CSMD1: variants seen among roughly 807,000 people sequenced by gnomAD.
CSMD1 encodes CUB and sushi domain-containing protein 1.
CSMD1 carries 213 observed loss-of-function variants against 417.5 expected under a neutral mutation model. The ratio of observed to expected loss-of-function variants is 0.51; its 90% confidence interval spans 0.46 to 0.57. The LOEUF (loss-of-function observed/expected upper bound fraction) is 0.57, where lower values mean the gene tolerates loss of function less well. Among genes scored for constraint, CSMD1 ranks in the 20% least tolerant of loss-of-function variants. The pLI, the probability that CSMD1 is intolerant of heterozygous loss-of-function variation, is 0.00. For synonymous variants in CSMD1, 2,862 were observed against 1,736.8 expected, an observed-to-expected ratio of 1.65 and a Z score of -16.11; for missense variants, 6,923 against 4,529.7, an observed-to-expected ratio of 1.53 and a Z score of -15.17.
At position 4,376,934 on chromosome 8, in the gene CSMD1, G is replaced by A. The variant is rs955047661; in HGVS notation, c.415+43019C>T. 3.3e-5 allele frequency among the ~76,000 whole-genome samples: 5 copies of A among 152,126 alleles called. No homozygotes were observed. In the South Asian group the frequency reaches 8.3e-4, roughly 25 times the overall value. ...ACTGTACTGCAATTTTATGGAACGG[G>A]GGTAATGTTCACTCCTCCACTCACC... is the stretch of plus-strand genomic sequence containing the variant. On this transcript the variant is annotated intron_variant, in intron 3 of 69. Coordinates refer to ENST00000635120, the MANE Select transcript of CSMD1 (RefSeq NM_033225.6).
chr8:3,170,538 T>C (rs1428756776), intron 37 of CSMD1, among the ~76,000 whole-genome samples: 9 of 152,332 alleles, frequency 5.9e-5, no homozygotes, highest in Non-Finnish European at 7.3e-5. Context: ...ACCTCTAATG[T>C]GTGCTTTACC....
At chr8:4,674,457 C>G (rs780709958) in intron 1 of CSMD1, among the ~76,000 whole-genome samples, 1 of 152,144 alleles carries the variant, frequency 6.6e-6, no homozygotes, top group South Asian at 2.1e-4. Context: ...AAACACCTGG[C>G]AGAGGAGGCT....
chr8:4,907,998 G>T (rs1455315945), intron 1 of CSMD1, among the ~76,000 whole-genome samples: 1 of 152,036 alleles, frequency 6.6e-6, no homozygotes, highest in Non-Finnish European at 1.5e-5. Context: ...TACACCATCT[G>T]GGAATTATTA....
intron 49 of CSMD1, among the ~76,000 whole-genome samples, chr8:3,083,932 T>G (rs4875216): frequency 0.55 from 82,878 of 151,472 alleles, 22,929 homozygotes; most frequent in African/African-American, 0.58. Context: ...CAAAGATGCT[T>G]GGAATACAGG....
intron 4 of CSMD1, among the ~76,000 whole-genome samples, chr8:4,009,075 G>A (rs1563313577): frequency 6.6e-6 from 1 of 152,110 alleles, no homozygotes. Context: ...ATAAAATTCT[G>A]CATTTGAAGA....
At chr8:4,333,811 C>T (rs541791291) in intron 3 of CSMD1, among the ~76,000 whole-genome samples, 10 of 152,196 alleles carry the variant, frequency 6.6e-5, no homozygotes, top group African/African-American at 2.4e-4. Context: ...TGCTTGTGTG[C>T]AAATATTCTC....
chr8:4,722,591 T>C (rs1809129662), intron 1 of CSMD1, among the ~76,000 whole-genome samples: 1 of 152,122 alleles, frequency 6.6e-6, no homozygotes, highest in Non-Finnish European at 1.5e-5. Context: ...TGTTCCTTCT[T>C]GGAGGAGCCC....
intron 1 of CSMD1, among the ~76,000 whole-genome samples, chr8:4,723,787 T>TAAAAAAAAAAAAAAAAA (rs57096241): frequency 4.6e-5 from 6 of 131,464 alleles, no homozygotes; most frequent in African/African-American, 1.5e-4. Context: ...CTTTCGAATG[T>TAAAAAAAAAAAAAAAAA]AAAAAAAAAA....
chr8:3,338,455 A>G (rs1161796693), intron 23 of CSMD1, among the ~76,000 whole-genome samples: 4 of 152,260 alleles, frequency 2.6e-5, no homozygotes, highest in Non-Finnish European at 5.9e-5. Context: ...CAGGATAGTG[A>G]TGAGGGGACC....
intron 5 of CSMD1, among the ~76,000 whole-genome samples, chr8:3,792,832 T>C (rs988065975): frequency 1.3e-5 from 2 of 152,206 alleles, no homozygotes; most frequent in African/African-American, 4.8e-5. Flanking sequence ...ACTCTCTGTA[T>C]TTGACTTGAA....
chr8:4,601,377 T>A (rs959730911), intron 2 of CSMD1, among the ~76,000 whole-genome samples: 3 of 152,190 alleles, frequency 2.0e-5, no homozygotes, highest in Non-Finnish European at 4.4e-5. Flanking sequence ...GTGTCTGTTA[T>A]CATGGCATTT....
chr8:4,165,507 C>T (rs1237686536), intron 3 of CSMD1, among the ~76,000 whole-genome samples: 1 of 152,188 alleles, frequency 6.6e-6, no homozygotes, highest in Non-Finnish European at 1.5e-5. Context: ...AAGCTCAAGT[C>T]ATCCTCCCAC....
intron 3 of CSMD1, among the ~76,000 whole-genome samples, chr8:4,088,476 C>T (rs1800539369): frequency 1.3e-5 from 2 of 152,232 alleles, no homozygotes; most frequent in African/African-American, 4.8e-5. Context: ...CAACATCTCT[C>T]TTCACTGGTT....
intron 17 of CSMD1, among the ~76,000 whole-genome samples, chr8:3,388,722 A>G (rs5026898): frequency 0.43 from 64,930 of 152,084 alleles, 14,096 homozygotes; most frequent in Middle Eastern, 0.47. Context: ...CTATTGCCCT[A>G]AACAACAGAA....
chr8:4,595,386 T>C (rs938605373), intron 2 of CSMD1, among the ~76,000 whole-genome samples: 4 of 152,066 alleles, frequency 2.6e-5, no homozygotes, highest in Non-Finnish European at 5.9e-5. Flanking sequence ...GCATTCATTT[T>C]CATTCCATCC....
intron 7 of CSMD1, among the ~76,000 whole-genome samples, chr8:3,695,626 C>G (rs117130055): frequency 1.3e-5 from 2 of 152,066 alleles, no homozygotes; most frequent in African/African-American, 4.8e-5. Context: ...TTCACAAAAG[C>G]ATCCAGAAAG....
At chr8:3,234,661 G>A (rs1041003747) in intron 26 of CSMD1, among the ~76,000 whole-genome samples, 2 of 152,186 alleles carry the variant, frequency 1.3e-5, no homozygotes, top group Non-Finnish European at 2.9e-5. Context: ...AGAAGCCTGG[G>A]AGAGCAGAGG....
chr8:4,378,316 T>C (rs1802883775), intron 3 of CSMD1, among the ~76,000 whole-genome samples: 1 of 152,246 alleles, frequency 6.6e-6, no homozygotes, highest in Non-Finnish European at 1.5e-5. Flanking sequence ...TTGTTATAAA[T>C]TGCTGTTTTT....
intron 52 of CSMD1, among the ~76,000 whole-genome samples, chr8:3,001,328 C>T (rs1017602382): frequency 6.6e-6 from 1 of 152,134 alleles, no homozygotes; most frequent in African/African-American, 2.4e-5. Context: ...TCTTCTGCCT[C>T]TTTACTGCTC....
Sources: allele counts gnomAD v4.1 joint callset (sites outside exome capture counted in the v4.1 genomes callset), GRCh38; gene constraint gnomAD v4.1.1; transcripts MANE v1.5; gene names NCBI Gene and HGNC (gene_info 2026-07-23, HGNC 2026-07-21).